PIK3AP1: variants seen among roughly 807,000 people sequenced by gnomAD.
PIK3AP1 encodes phosphoinositide-3-kinase adaptor protein 1, also known as phosphoinositide 3-kinase adapter protein 1.
Under a neutral mutation model 88.1 loss-of-function variants are expected in PIK3AP1, and 21 were observed. The ratio of observed to expected loss-of-function variants is 0.24; its 90% confidence interval spans 0.17 to 0.34. The LOEUF (loss-of-function observed/expected upper bound fraction) is 0.34. Ranked by LOEUF, PIK3AP1 falls within the 10% of genes least tolerant of loss-of-function variation. The pLI is 1.00. For synonymous variants in PIK3AP1, 398 were observed against 400.0 expected (o/e 1.00, Z 0.06); for missense variants, 828 against 1,035.7 (o/e 0.80, Z 2.75).
chr10:96,595,313 G>T lies in PIK3AP1; in HGVS notation c.*264C>A. The T allele has an allele frequency of 2.2e-6, 1 of 448,748 alleles. No homozygotes were observed. Among genetic ancestry groups the T allele is most frequent in the Non-Finnish European group, 4.0e-6 (1 of 251,740 alleles). The allele number at this position is 448,748 out of a possible 1,614,324, so 27.8% of individuals were successfully genotyped here. A position where few individuals can be genotyped will look rare whatever the true frequency, so the allele number is the denominator to read the frequency against. ...ATGGCAAATTAGAGGTAAGTATTTC[G>T]ATTAAGTCTTCATCCTTTTGGCAAA... On this transcript the variant is annotated 3_prime_UTR_variant, in exon 17 of 17. Coordinates refer to ENST00000339364, the MANE Select transcript of PIK3AP1 (RefSeq NM_152309.3).
intron 16 of PIK3AP1, among the ~76,000 whole-genome samples, chr10:96,599,188 G>A (rs562981699): frequency 6.6e-6 from 1 of 152,154 alleles, no homozygotes; most frequent in East Asian, 1.9e-4. Context: ...GAGCTGTGAG[G>A]GGGGCAGGGA....
chr10:96,599,188 G>C (rs562981699), intron 16 of PIK3AP1, among the ~76,000 whole-genome samples: 1 of 152,154 alleles, frequency 6.6e-6, no homozygotes, highest in Admixed American at 6.5e-5. Context: ...GAGCTGTGAG[G>C]GGGGCAGGGA....
intron 9 of PIK3AP1, among the ~76,000 whole-genome samples, chr10:96,627,364 A>AT (rs1348784307): frequency 2.0e-5 from 3 of 152,128 alleles, no homozygotes; most frequent in Admixed American, 2.0e-4. Context: ...GTCAGCACAC[A>AT]TTTTTTTAAA....
chr10:96,657,261 T>A (rs1481200223), intron 2 of PIK3AP1, among the ~76,000 whole-genome samples: 3 of 151,800 alleles, frequency 2.0e-5, no homozygotes. Context: ...TGAAGAGGAG[T>A]GAGGAAAGGA....
At chr10:96,633,873 T>C (rs1843278963) in intron 8 of PIK3AP1, among the ~76,000 whole-genome samples, 1 of 152,234 alleles carries the variant, frequency 6.6e-6, no homozygotes, top group Non-Finnish European at 1.5e-5. Context: ...ATCAATTCTT[T>C]ACAATAGAGT....
At chr10:96,668,170 G>T (rs1843792000) in intron 2 of PIK3AP1, among the ~76,000 whole-genome samples, 1 of 152,032 alleles carries the variant, frequency 6.6e-6, no homozygotes, top group Non-Finnish European at 1.5e-5. Context: ...ACTTTAAATT[G>T]GTTAAAATGA....
In PIK3AP1 at chr10:96,683,399, G is replaced by A. The variant is rs576689757; in HGVS notation, c.430+26168C>T. Among the ~76,000 whole-genome samples the A allele has an allele frequency of 2.6e-5, 4 of 152,274 alleles. No homozygotes were observed. In the South Asian group the frequency reaches 8.3e-4, roughly 32 times the overall value. On this transcript the variant is annotated intron_variant, in intron 2 of 16. Transcript: ENST00000339364. ...AGTACAATGCTGTAAGAGAGGCCTT[G>A]AATATTCAGAGATGTTGGAAATGTA...
At chr10:96,716,068 G>T (rs946554646) in intron 1 of PIK3AP1, among the ~76,000 whole-genome samples, 1 of 151,978 alleles carries the variant, frequency 6.6e-6, no homozygotes, top group South Asian at 2.1e-4. Context: ...ATCACTTGAC[G>T]CCAGGAGTTC....
intron 14 of PIK3AP1, among the ~76,000 whole-genome samples, chr10:96,607,912 T>C (rs1330434467): frequency 5.9e-5 from 9 of 152,170 alleles, no homozygotes. Context: ...CATTTTGGCA[T>C]GGTTTATTGC....
At chr10:96,706,695 G>A (rs887891201) in intron 2 of PIK3AP1, among the ~76,000 whole-genome samples, 2 of 152,276 alleles carry the variant, frequency 1.3e-5, no homozygotes, top group Non-Finnish European at 1.5e-5. Flanking sequence ...AGCAGAGCCG[G>A]GTAATGCAGT....
At chr10:96,607,699 A>G (rs1280949071) in intron 14 of PIK3AP1, among the ~76,000 whole-genome samples, 1 of 152,184 alleles carries the variant, frequency 6.6e-6, no homozygotes, top group Non-Finnish European at 1.5e-5. Context: ...ATAAAAGGCT[A>G]TGAATTAAAG....
At chr10:96,673,918 C>A (rs537692677) in intron 2 of PIK3AP1, among the ~76,000 whole-genome samples, 1 of 152,126 alleles carries the variant, frequency 6.6e-6, no homozygotes, top group South Asian at 2.1e-4. Context: ...TTAGGCTGAC[C>A]CTTCGCATTC....
At chr10:96,684,257 A>T (rs1037711174) in intron 2 of PIK3AP1, among the ~76,000 whole-genome samples, 1 of 152,244 alleles carries the variant, frequency 6.6e-6, no homozygotes, top group Admixed American at 6.5e-5. Context: ...GGTTATTTCC[A>T]AATAGTTGCC....
intron 2 of PIK3AP1, among the ~76,000 whole-genome samples, chr10:96,687,469 G>T (rs1252434789): frequency 6.6e-6 from 1 of 151,976 alleles, no homozygotes; most frequent in Non-Finnish European, 1.5e-5. Flanking sequence ...AGTGATTTTG[G>T]GTTGTGTAAT....
chr10:96,641,420 T>C (rs920253254), intron 8 of PIK3AP1, among the ~76,000 whole-genome samples: 21 of 152,170 alleles, frequency 1.4e-4, no homozygotes, highest in Non-Finnish European at 1.5e-4. Context: ...CTAAAGCCTG[T>C]TTGTCCTGTG....
At chr10:96,711,620 T>C (rs1844437324) in intron 1 of PIK3AP1, among the ~76,000 whole-genome samples, 1 of 151,972 alleles carries the variant, frequency 6.6e-6, no homozygotes, top group African/African-American at 2.4e-5. Context: ...TCTGAAAAGA[T>C]CATAGGATGA....
chr10:96,595,780 C>T (rs991974277), intron 16 of PIK3AP1, 146 bp from the exon 17 acceptor site: 2 of 764,652 alleles, frequency 2.6e-6, no homozygotes, highest in African/African-American at 3.5e-5. Context: ...GTATGAGTGA[C>T]ACGCATGCTA....
At chr10:96,698,772 A>T (rs1844254905) in intron 2 of PIK3AP1, among the ~76,000 whole-genome samples, 1 of 152,110 alleles carries the variant, frequency 6.6e-6, no homozygotes, top group Admixed American at 6.6e-5. Flanking sequence ...TAAATAAAGC[A>T]GTGTTATACA....
intron 2 of PIK3AP1, among the ~76,000 whole-genome samples, chr10:96,687,570 A>T (rs901342743): frequency 2.6e-5 from 4 of 152,092 alleles, no homozygotes; most frequent in Non-Finnish European, 5.9e-5. Context: ...CAGTGACATC[A>T]TTCTTCCAGT....
Sources: gnomAD v4.1 joint callset for allele counts (sites outside exome capture counted in the v4.1 genomes callset) on GRCh38, gnomAD v4.1.1 for gene constraint, MANE v1.5 for transcripts, NCBI Gene and HGNC (gene_info 2026-07-23, HGNC 2026-07-21) for gene names.